The following SLC4A4 variants were observed in gnomAD, a reference collection of about 807,000 sequenced individuals.
SLC4A4 encodes electrogenic sodium bicarbonate cotransporter 1.
Under a neutral mutation model 111.5 loss-of-function variants are expected in SLC4A4, and 27 were observed. The observed-to-expected ratio is 0.24, with a 90% CI of 0.18 to 0.33. SLC4A4 has a LOEUF of 0.33. Ranked by LOEUF, SLC4A4 falls within the 10% of genes least tolerant of loss-of-function variation. The probability of loss-of-function intolerance (pLI) is 1.00; values close to 1 mark genes in which losing one functional copy is unlikely to be tolerated. For missense variants in SLC4A4, 909 were observed against 1,315.5 expected (o/e 0.69, Z 4.78); for synonymous variants, 443 against 463.4 (o/e 0.96, Z 0.57).
At chr4:71,253,734 C>T (rs1486271568) in intron 2 of SLC4A4, among the ~76,000 whole-genome samples, 2 of 152,110 alleles carry the variant, frequency 1.3e-5, no homozygotes, top group African/African-American at 4.8e-5. Context: ...AATGGTTACA[C>T]ATGATAGATA....
chr4:71,266,966 GA>G (rs1395821367), intron 3 of SLC4A4, among the ~76,000 whole-genome samples: 2 of 152,170 alleles, frequency 1.3e-5, no homozygotes, highest in Non-Finnish European at 2.9e-5. Context: ...ATAAATTTAA[GA>G]GAATGTGGTA....
chr4:71,107,852 C>T (rs962367215), intron 2 of SLC4A4, among the ~76,000 whole-genome samples: 1 of 119,502 alleles, frequency 8.4e-6, no homozygotes, highest in Middle Eastern at 3.8e-3. Context: ...GGACTACAGG[C>T]AAACACCACC....
At position 71,395,802 on chromosome 4, in the gene SLC4A4, A is replaced by G. The variant is rs74844474; in HGVS notation, c.731-1775A>G. 2.1e-3 allele frequency among the ~76,000 whole-genome samples: 326 copies of G among 152,326 alleles called. 6 individuals are homozygous for G. The East Asian group carries it at 0.048, about 22-fold the overall frequency. The stretch of plus-strand genomic sequence containing the variant: ...TAAATTTATTTCAGTACTGCCACTT[A>G]CATATAAATTATTTGATGATTAGAA... On this transcript the variant is annotated intron_variant, in intron 6 of 25. Transcript: ENST00000264485.
intron 15 of SLC4A4, 35 bp downstream of exon 15, chr4:71,487,053 T>G (rs1290645994): frequency 3.3e-6 from 4 of 1,197,308 alleles, no homozygotes; most frequent in African/African-American, 1.5e-5. Flanking sequence ...ACCTTCATAC[T>G]GACTGCATAT....
rs771525234 is a variant in SLC4A4, at chr4:71,563,853, C to G, written c.3160C>G (p.Gln1054Glu). The change falls in exon 24 of 26, where the codon CAG becomes GAG. Residue 1054 changes from glutamine (Q) to glutamate (E), a missense_variant. Coordinates refer to ENST00000264485, the MANE Select transcript of SLC4A4 (RefSeq NM_001098484.3). ...SIKIPMDIME[Q>E]QPFLSDSKPS... ...TAAAATTCCAATGGACATCATGGAA[C>G]AGCAACCTTTCCTAAGCGATAGCAA... 5 of 1,611,366 alleles carry G rather than the reference C, an allele frequency of 3.1e-6. No homozygotes were observed. Among genetic ancestry groups the G allele is most frequent in the Middle Eastern group, 3.3e-4 (2 of 6,042 alleles).
At chr4:71,178,309 A>G (rs1438391868) in intron 2 of SLC4A4, among the ~76,000 whole-genome samples, 1 of 152,152 alleles carries the variant, frequency 6.6e-6, no homozygotes, top group Non-Finnish European at 1.5e-5. Flanking sequence ...GAGAAGCAAG[A>G]GCAAACACAT....
intron 2 of SLC4A4, among the ~76,000 whole-genome samples, chr4:71,123,798 A>G (rs1743494372): frequency 6.6e-6 from 1 of 152,144 alleles, no homozygotes; most frequent in Non-Finnish European, 1.5e-5. Context: ...CTATACATCT[A>G]AAATTTGTTA....
chr4:71,088,268 T>G (rs1021922437), intron 1 of SLC4A4, among the ~76,000 whole-genome samples: 1 of 151,776 alleles, frequency 6.6e-6, no homozygotes, highest in Non-Finnish European at 1.5e-5. Context: ...TAGATCTTCC[T>G]CCATCCCTTT....
chr4:71,376,055 A>ATATATATATACATATACACG (rs899283122), intron 6 of SLC4A4, among the ~76,000 whole-genome samples: 7 of 149,254 alleles, frequency 4.7e-5, no homozygotes, highest in Admixed American at 1.3e-4. Context: ...ATATACACGT[A>ATATATATATACATATACACG]TATATATATA....
At chr4:71,156,583 C>CGCGT (rs1437433733) in intron 2 of SLC4A4, among the ~76,000 whole-genome samples, 1 of 92,068 alleles carries the variant, frequency 1.1e-5, no homozygotes, top group Non-Finnish European at 2.2e-5. Context: ...TGCGCGCGCG[C>CGCGT]GCGCGCACAC....
intron 16 of SLC4A4, among the ~76,000 whole-genome samples, chr4:71,518,194 T>A (rs1321454561): frequency 6.6e-6 from 1 of 152,076 alleles, no homozygotes; most frequent in Non-Finnish European, 1.5e-5. Flanking sequence ...TGCCTGTGGC[T>A]GTGGGGGCCA....
chr4:71,214,177 A>G (rs1718292312), intron 1 of SLC4A4, among the ~76,000 whole-genome samples: 2 of 152,324 alleles, frequency 1.3e-5, no homozygotes, highest in South Asian at 4.1e-4. Context: ...ACCGAGGGGT[A>G]TAGAAGTGCT....
chr4:71,449,291 C>T (rs1387648551), intron 9 of SLC4A4, among the ~76,000 whole-genome samples: 1 of 152,144 alleles, frequency 6.6e-6, no homozygotes, highest in Non-Finnish European at 1.5e-5. Context: ...AGCTGTATCT[C>T]CCTTTTTAAA....
At chr4:71,159,097 A>T (rs1349378033) in intron 2 of SLC4A4, among the ~76,000 whole-genome samples, 2 of 152,240 alleles carry the variant, frequency 1.3e-5, no homozygotes, top group African/African-American at 4.8e-5. Flanking sequence ...GTGTGTGTTC[A>T]TATATGTGTA....
chr4:71,078,977 C>T (rs1262783204), intron 1 of SLC4A4, among the ~76,000 whole-genome samples: 6 of 152,018 alleles, frequency 3.9e-5, no homozygotes, highest in African/African-American at 1.5e-4. Context: ...CATCACCATG[C>T]CTGGTTAATT....
chr4:71,227,644 G>A (rs1319375760), intron 1 of SLC4A4, among the ~76,000 whole-genome samples: 2 of 152,150 alleles, frequency 1.3e-5, no homozygotes, highest in African/African-American at 2.4e-5. Flanking sequence ...CTGCTGGTTT[G>A]GGTCTGGCTC....
chr4:71,206,554 AAAGAAT>A (rs1434821656), intron 1 of SLC4A4, among the ~76,000 whole-genome samples: 1 of 152,214 alleles, frequency 6.6e-6, no homozygotes. Flanking sequence ...GGTCATTGAT[AAAGAAT>A]AAAATAGTAC....
At chr4:71,538,192 T>A (rs2149220869) in intron 18 of SLC4A4, among the ~76,000 whole-genome samples, 1 of 152,208 alleles carries the variant, frequency 6.6e-6, no homozygotes. Flanking sequence ...GGTAAATAAA[T>A]CTCCTACTAA....
At chr4:71,134,356 C>T (rs1017806050) in intron 2 of SLC4A4, among the ~76,000 whole-genome samples, 1 of 152,202 alleles carries the variant, frequency 6.6e-6, no homozygotes, top group Admixed American at 6.5e-5. Context: ...GCTTATCATG[C>T]CATCCATCCA....
Sources: gnomAD v4.1 joint callset for allele counts (sites outside exome capture counted in the v4.1 genomes callset) on GRCh38, gnomAD v4.1.1 for gene constraint, MANE v1.5 for transcripts, NCBI Gene and HGNC (gene_info 2026-07-23, HGNC 2026-07-21) for gene names.